GPC5: variants seen among roughly 807,000 people sequenced by gnomAD.
GPC5 encodes the protein glypican-5.
Under a neutral mutation model 53.9 loss-of-function variants are expected in GPC5, and 47 were observed. The observed-to-expected ratio is 0.87, with a 90% CI of 0.69 to 1.11. The LOEUF is 1.11. Among genes scored for constraint, GPC5 ranks in the 50% most tolerant of loss-of-function variants. GPC5 has a pLI of 0.00. For synonymous variants in GPC5, 286 were observed against 263.3 expected (o/e 1.09, Z -0.84); for missense variants, 748 against 713.1 (o/e 1.05, Z -0.56).
chr13:92,036,193 A>G (rs2040891800), intron 6 of GPC5, among the ~76,000 whole-genome samples: 1 of 152,220 alleles, frequency 6.6e-6, no homozygotes, highest in Non-Finnish European at 1.5e-5. Context: ...CTGATTGCTT[A>G]TACATCAAAC....
intron 7 of GPC5, among the ~76,000 whole-genome samples, chr13:92,586,608 G>T (rs1281973351): frequency 2.0e-5 from 3 of 152,206 alleles, no homozygotes; most frequent in African/African-American, 7.2e-5. Context: ...AAAACACCCA[G>T]TGAGCTCAGC....
At chr13:91,792,012 A>G (rs2037973508) in intron 5 of GPC5, among the ~76,000 whole-genome samples, 1 of 152,246 alleles carries the variant, frequency 6.6e-6, no homozygotes, top group Non-Finnish European at 1.5e-5. Flanking sequence ...TTCTTCTTTC[A>G]TAACGAATTC....
At chr13:92,089,352 T>A (rs2041361036) in intron 6 of GPC5, among the ~76,000 whole-genome samples, 1 of 152,064 alleles carries the variant, frequency 6.6e-6, no homozygotes, top group South Asian at 2.1e-4. Flanking sequence ...GAGAATGGCG[T>A]GAACCTGGGA....
intron 7 of GPC5, among the ~76,000 whole-genome samples, chr13:92,408,934 C>A (rs893441663): frequency 5.9e-5 from 9 of 151,852 alleles, no homozygotes; most frequent in Non-Finnish European, 1.2e-4. Context: ...CATTAGATTA[C>A]CAAACAGTCT....
chr13:92,563,897 T>G (rs1173438982), intron 7 of GPC5, among the ~76,000 whole-genome samples: 1 of 151,996 alleles, frequency 6.6e-6, no homozygotes, highest in African/African-American at 2.4e-5. Context: ...GATCTAGAAA[T>G]TTACCTCCAA....
intron 7 of GPC5, chr13:92,658,931 T>TTTTG (rs1886234425): frequency 7.5e-6 from 1 of 133,260 alleles, no homozygotes; most frequent in African/African-American, 2.8e-5. Context: ...TTTGTTTTTT[T>TTTTG]TTTTTTTTTT....
At chr13:91,700,498 C>T (rs2035969975) in intron 3 of GPC5, among the ~76,000 whole-genome samples, 1 of 152,096 alleles carries the variant, frequency 6.6e-6, no homozygotes, top group South Asian at 2.1e-4. Context: ...GAGCAGAGGC[C>T]TCCTAGAAGA....
At chr13:92,527,205 G>A (rs1830687007) in intron 7 of GPC5, among the ~76,000 whole-genome samples, 1 of 25,932 alleles carries the variant, frequency 3.9e-5, no homozygotes, top group Non-Finnish European at 6.0e-5. Context: ...AAGAAAGAAA[G>A]AAAGAAAGAA....
intron 3 of GPC5, among the ~76,000 whole-genome samples, chr13:91,698,999 G>C (rs1174291021): frequency 1.3e-5 from 2 of 152,204 alleles, no homozygotes; most frequent in African/African-American, 4.8e-5. Flanking sequence ...AGACCTGAGG[G>C]TGAGGACCCC....
chr13:91,941,716 T>C (rs2039928958), intron 6 of GPC5, among the ~76,000 whole-genome samples: 1 of 152,186 alleles, frequency 6.6e-6, no homozygotes, highest in African/African-American at 2.4e-5. Context: ...GGGCACTTCA[T>C]GTATGTTTCC....
At chr13:92,651,390 C>G (rs1341008542) in intron 7 of GPC5, among the ~76,000 whole-genome samples, 2 of 152,074 alleles carry the variant, frequency 1.3e-5, no homozygotes, top group African/African-American at 4.8e-5. Context: ...CCACTGTAGT[C>G]TTCTCCAGAA....
intron 5 of GPC5, among the ~76,000 whole-genome samples, chr13:91,874,027 G>A (rs546241656): frequency 3.9e-5 from 6 of 152,232 alleles, no homozygotes; most frequent in Admixed American, 6.5e-5. Context: ...CCTGATCTCC[G>A]AAATGTGAAT....
intron 4 of GPC5, among the ~76,000 whole-genome samples, chr13:91,748,799 G>A (rs185103175): frequency 4.1e-4 from 63 of 152,258 alleles, no homozygotes; most frequent in Non-Finnish European, 8.8e-4. Flanking sequence ...TTGAAGGATG[G>A]GTAGAAAGTT....
intron 7 of GPC5, among the ~76,000 whole-genome samples, chr13:92,844,328 G>A (rs1005708982): frequency 1.3e-5 from 2 of 152,000 alleles, no homozygotes; most frequent in Non-Finnish European, 2.9e-5. Flanking sequence ...TCTACAACAT[G>A]TTATTTAATG....
chr13:91,974,133 C>A (rs2040272925), intron 6 of GPC5, among the ~76,000 whole-genome samples: 1 of 152,150 alleles, frequency 6.6e-6, no homozygotes, highest in African/African-American at 2.4e-5. Flanking sequence ...GGGCTCAGAG[C>A]TATCTATGAC....
At chr13:92,367,311 T>C (rs932490009) in intron 7 of GPC5, among the ~76,000 whole-genome samples, 4 of 152,192 alleles carry the variant, frequency 2.6e-5, no homozygotes, top group Admixed American at 1.3e-4. Flanking sequence ...GCAAACAATA[T>C]TTAATTTTAA....
intron 7 of GPC5, among the ~76,000 whole-genome samples, chr13:92,437,177 T>A (rs1370198665): frequency 1.3e-5 from 1 of 77,190 alleles, no homozygotes; most frequent in Non-Finnish European, 2.3e-5. Context: ...ACAAGAAAAC[T>A]AAGACAGTCA....
chr13:91,768,598 AT>A (rs1454270741), intron 5 of GPC5, among the ~76,000 whole-genome samples: 1 of 152,212 alleles, frequency 6.6e-6, no homozygotes, highest in Non-Finnish European at 1.5e-5. Context: ...AATGAAAAGT[AT>A]AATTATATGT....
chr13:91,633,573 A>G (rs2034213946), intron 2 of GPC5, among the ~76,000 whole-genome samples: 1 of 152,152 alleles, frequency 6.6e-6, no homozygotes, highest in African/African-American at 2.4e-5. Context: ...TCCTTGTGGA[A>G]GACAACTCAG....
Sources: gnomAD v4.1 joint callset for allele counts (sites outside exome capture counted in the v4.1 genomes callset) on GRCh38, gnomAD v4.1.1 for gene constraint, MANE v1.5 for transcripts, NCBI Gene and HGNC (gene_info 2026-07-23, HGNC 2026-07-21) for gene names.